The following KCNIP4 variants were observed in gnomAD, a reference collection of about 807,000 sequenced individuals.
The protein encoded by KCNIP4 is potassium voltage-gated channel interacting protein 4, also known as Kv channel-interacting protein 4.
Under a neutral mutation model 34.0 loss-of-function variants are expected in KCNIP4, and 12 were observed. That is an observed-to-expected ratio of 0.35 (90% CI 0.23 to 0.57). The LOEUF (loss-of-function observed/expected upper bound fraction) is 0.57, where lower values mean the gene tolerates loss of function less well. KCNIP4 is among the 20% of genes least tolerant of loss of function. KCNIP4 has a pLI of 0.83. For synonymous variants in KCNIP4, 124 were observed against 102.2 expected, an observed-to-expected ratio of 1.21 and a Z score of -1.29; for missense variants, 238 against 311.7, an observed-to-expected ratio of 0.76 and a Z score of 1.78.
At chr4:21,782,824 T>C (rs1298837129) in intron 1 of KCNIP4, among the ~76,000 whole-genome samples, 3 of 152,002 alleles carry the variant, frequency 2.0e-5, no homozygotes, top group Non-Finnish European at 4.4e-5. Context: ...TGCCATGAAA[T>C]AAAATTCAGG....
intron 1 of KCNIP4, among the ~76,000 whole-genome samples, chr4:21,571,301 G>T (rs1740351519): frequency 6.6e-6 from 1 of 152,104 alleles, no homozygotes. Context: ...GTTCACAGAG[G>T]GCGCATCTGG....
chr4:21,769,863 C>T (rs1356896503), intron 1 of KCNIP4, among the ~76,000 whole-genome samples: 3 of 152,082 alleles, frequency 2.0e-5, no homozygotes, highest in African/African-American at 7.2e-5. Context: ...TCAAATAAAA[C>T]TCACCATAAA....
At chr4:21,330,971 T>C (rs752767329) in intron 1 of KCNIP4, among the ~76,000 whole-genome samples, 5 of 152,132 alleles carry the variant, frequency 3.3e-5, no homozygotes, top group Non-Finnish European at 7.4e-5. Context: ...CCAACCTGGA[T>C]CAGGACCGAA....
Position 21,306,675 on chromosome 4 carries a change from G to A in KCNIP4, c.62-423966C>T, listed in dbSNP as rs148412059. On this transcript the variant is annotated intron_variant, in intron 1 of 8. Coordinates refer to ENST00000382152, the MANE Select transcript of KCNIP4 (RefSeq NM_025221.6). ...ATATTACTTAAACACACACCACCTC[G>A]GAACTCAAAAGGGAGTTGTTTTTCT... 1.5e-3 allele frequency among the ~76,000 whole-genome samples: 231 copies of A among 152,224 alleles called. 1 individual carries two copies. The highest frequency in any genetic ancestry group is 5.2e-3 in the African/African-American group (218 of 41,530).
chr4:21,078,752 G>T (rs548275884), intron 1 of KCNIP4, among the ~76,000 whole-genome samples: 4 of 152,194 alleles, frequency 2.6e-5, no homozygotes, highest in African/African-American at 9.6e-5. Context: ...AGAGGGAACT[G>T]CTTCTTCCCT....
chr4:21,404,905 A>G (rs1282345347), intron 1 of KCNIP4, among the ~76,000 whole-genome samples: 1 of 152,192 alleles, frequency 6.6e-6, no homozygotes, highest in East Asian at 1.9e-4. Context: ...ATTGACAAAA[A>G]TTCTTTGCTT....
intron 1 of KCNIP4, among the ~76,000 whole-genome samples, chr4:21,712,828 A>G (rs1168205409): frequency 6.6e-6 from 1 of 152,180 alleles, no homozygotes; most frequent in Non-Finnish European, 1.5e-5. Context: ...CTTAGTCTTC[A>G]TTGCCCTCCT....
At chr4:21,564,682 T>C (rs1739706145) in intron 1 of KCNIP4, among the ~76,000 whole-genome samples, 1 of 152,068 alleles carries the variant, frequency 6.6e-6, no homozygotes, top group Non-Finnish European at 1.5e-5. Context: ...GAAAAGTTAA[T>C]TTGGCTCACC....
intron 1 of KCNIP4, among the ~76,000 whole-genome samples, chr4:21,841,426 T>C (rs1390721752): frequency 6.6e-6 from 1 of 152,202 alleles, no homozygotes; most frequent in South Asian, 2.1e-4. Flanking sequence ...TAAGAATTTA[T>C]CATGAGAATG....
intron 1 of KCNIP4, among the ~76,000 whole-genome samples, chr4:21,905,211 A>G (rs1212551442): frequency 2.0e-5 from 3 of 151,850 alleles, no homozygotes; most frequent in Non-Finnish European, 2.9e-5. Context: ...GCTCTGCCTG[A>G]CCTCCTTCTA....
rs1192094053 is a variant in KCNIP4, at chr4:21,652,576, G to GATAT, written c.61+295991_61+295994dup. On this transcript the variant is annotated intron_variant, in intron 1 of 8. Coordinates refer to ENST00000382152, the MANE Select transcript of KCNIP4 (RefSeq NM_025221.6). ...TGGAAAGGCTACTCCTGTGCTTGCT[G>GATAT]ATATATAAGGAAAATAAATTTTCCT... 2.0e-5 allele frequency among the ~76,000 whole-genome samples: 3 copies of GATAT among 152,272 alleles called. No homozygotes were observed. The South Asian group carries it at 6.2e-4, about 32-fold the overall frequency.
At chr4:20,831,648 C>G (rs1718438979) in intron 3 of KCNIP4, among the ~76,000 whole-genome samples, 1 of 152,166 alleles carries the variant, frequency 6.6e-6, no homozygotes, top group Non-Finnish European at 1.5e-5. Context: ...TAAATGTAAC[C>G]TGTCCAATAA....
At chr4:21,128,271 G>A (rs1464606973) in intron 1 of KCNIP4, among the ~76,000 whole-genome samples, 1 of 152,200 alleles carries the variant, frequency 6.6e-6, no homozygotes, top group Non-Finnish European at 1.5e-5. Flanking sequence ...GGAATTAAGA[G>A]AGCAGAATCC....
At chr4:21,221,442 G>A (rs1757974929) in intron 1 of KCNIP4, among the ~76,000 whole-genome samples, 1 of 152,134 alleles carries the variant, frequency 6.6e-6, no homozygotes, top group African/African-American at 2.4e-5. Flanking sequence ...GGTGGAAGGG[G>A]AAGGGGAAGC....
In KCNIP4 at chr4:21,782,955, A is replaced by G. The variant is rs1292043750; in HGVS notation, c.61+165616T>C. 6.6e-5 allele frequency among the ~76,000 whole-genome samples: 10 copies of G among 152,192 alleles called. No homozygotes were observed. In the South Asian group the frequency reaches 1.9e-3, roughly 28 times the overall value. On this transcript the variant is annotated intron_variant, in intron 1 of 8. Transcript: ENST00000382152. ...GATCCATGTAGGTAAAATTCTTGAA[A>G]TGACAAAATTGTAGATAGGGACAAC...
At chr4:21,458,680 A>G (rs542539304) in intron 1 of KCNIP4, among the ~76,000 whole-genome samples, 3 of 152,182 alleles carry the variant, frequency 2.0e-5, no homozygotes, top group African/African-American at 7.2e-5. Context: ...CTGCCTGGCT[A>G]TCTGACTACT....
intron 1 of KCNIP4, among the ~76,000 whole-genome samples, chr4:20,998,035 C>T (rs1278567367): frequency 1.3e-5 from 2 of 152,012 alleles, no homozygotes; most frequent in Non-Finnish European, 2.9e-5. Context: ...GGAAGAGGGC[C>T]AGAGTGAGAG....
At chr4:21,154,023 G>A (rs78391078) in intron 1 of KCNIP4, among the ~76,000 whole-genome samples, 22,656 of 151,992 alleles carry the variant, frequency 0.15, 1,749 homozygotes, top group Middle Eastern at 0.22. Context: ...TACATTGACT[G>A]GCTTGCAGTA....
At chr4:20,943,420 C>T (rs1731860647) in intron 1 of KCNIP4, among the ~76,000 whole-genome samples, 1 of 152,174 alleles carries the variant, frequency 6.6e-6, no homozygotes, top group African/African-American at 2.4e-5. Flanking sequence ...TATTTTAATG[C>T]TTAAGAGCTG....
Sources: gnomAD v4.1 joint callset for allele counts (sites outside exome capture counted in the v4.1 genomes callset) on GRCh38, gnomAD v4.1.1 for gene constraint, MANE v1.5 for transcripts, NCBI Gene and HGNC (gene_info 2026-07-23, HGNC 2026-07-21) for gene names.